The following ANXA3 variants were observed in gnomAD, a reference collection of about 807,000 sequenced individuals.
The protein encoded by ANXA3 is 35-alpha calcimedin.
In ANXA3, 46 loss-of-function variants were observed where a neutral mutation model predicts 48.8. The ratio of observed to expected loss-of-function variants is 0.94; its 90% confidence interval spans 0.74 to 1.21. ANXA3 has a LOEUF of 1.21. Ranked by LOEUF, ANXA3 falls within the 50% of genes most tolerant of loss-of-function variation. The pLI, the probability that ANXA3 is intolerant of heterozygous loss-of-function variation, is 0.00. For missense variants in ANXA3, 383 were observed against 378.6 expected (o/e 1.01, Z -0.10); for synonymous variants, 128 against 134.7 (o/e 0.95, Z 0.35).
chr4:78,584,505 T>C (rs748317316), intron 5 of ANXA3, among the ~76,000 whole-genome samples: 6 of 152,164 alleles, frequency 3.9e-5, no homozygotes, highest in Admixed American at 6.5e-5. Context: ...ATTTGTTTAT[T>C]ATCTTTTTTC....
rs762290353 is a variant in ANXA3 at position 78,610,099 on chromosome 4, G to A, written c.956G>A (p.Cys319Tyr). The A allele has an allele frequency of 1.9e-6, 3 of 1,610,482 alleles. No homozygotes were observed. The highest frequency in any genetic ancestry group is 2.5e-6 in the Non-Finnish European group (3 of 1,177,922). ...GDYEITLLKI[C>Y]GGDD is the part of the protein sequence containing the mutation. The stretch of plus-strand genomic sequence containing the variant: ...TATGAAATCACACTCTTAAAAATCT[G>A]TGGTGGAGATGACTGAACCAAGAAG... Residue 319 changes from cysteine to tyrosine, a missense_variant, in exon 13 of 13, where the codon TGT (cysteine) becomes TAT (tyrosine). Transcript: ENST00000264908.
intron 2 of ANXA3, among the ~76,000 whole-genome samples, chr4:78,555,165 A>T (rs550665831): frequency 6.6e-6 from 1 of 152,366 alleles, no homozygotes; most frequent in African/African-American, 2.4e-5. Context: ...AGATCATGCC[A>T]CTGCACTCCA....
At chr4:78,566,782 T>G (rs1307823216) in intron 2 of ANXA3, among the ~76,000 whole-genome samples, 2 of 152,170 alleles carry the variant, frequency 1.3e-5, no homozygotes, top group Non-Finnish European at 2.9e-5. Flanking sequence ...CATCTGCATG[T>G]AAGAAATCTG....
At chr4:78,563,151 T>A (rs1419022290) in intron 2 of ANXA3, among the ~76,000 whole-genome samples, 1 of 152,200 alleles carries the variant, frequency 6.6e-6, no homozygotes, top group Non-Finnish European at 1.5e-5. Flanking sequence ...GGATTATCGC[T>A]TTTTAAAAAA....
At chr4:78,581,864 C>T (rs763832159) in intron 4 of ANXA3, among the ~76,000 whole-genome samples, 8 of 152,150 alleles carry the variant, frequency 5.3e-5, no homozygotes, top group Non-Finnish European at 1.2e-4. Flanking sequence ...TCTTCCTCTT[C>T]CCTTACCCCA....
intron 7 of ANXA3, among the ~76,000 whole-genome samples, chr4:78,594,511 G>T (rs950300580): frequency 2.6e-5 from 4 of 152,222 alleles, no homozygotes; most frequent in Admixed American, 2.6e-4. Flanking sequence ...AGCAGTGAAT[G>T]AGAGTTCCTG....
At chr4:78,584,550 G>T (rs1195930448) in intron 5 of ANXA3, among the ~76,000 whole-genome samples, 3 of 152,078 alleles carry the variant, frequency 2.0e-5, no homozygotes, top group Admixed American at 1.3e-4. Flanking sequence ...CCATGGCAGG[G>T]AACCTCATTG....
chr4:78,602,501 TC>T (rs1458281347), intron 11 of ANXA3: 2 of 152,058 alleles, frequency 1.3e-5, no homozygotes. Context: ...ACCCAGTAGA[TC>T]CTGTGGCCTC....
chr4:78,558,281 A>T (rs1343207959), intron 2 of ANXA3, among the ~76,000 whole-genome samples: 11 of 152,262 alleles, frequency 7.2e-5, no homozygotes, highest in Admixed American at 7.2e-4. Context: ...TTCAGTATTG[A>T]AAGATGAAAA....
intron 1 of ANXA3, among the ~76,000 whole-genome samples, chr4:78,552,523 C>G (rs993567021): frequency 6.6e-6 from 1 of 152,006 alleles, no homozygotes; most frequent in South Asian, 2.1e-4. Flanking sequence ...TGAATCATTC[C>G]CTTGGTATTT....
At chr4:78,605,258 C>T (rs568040956) in intron 12 of ANXA3, among the ~76,000 whole-genome samples, 2 of 151,754 alleles carry the variant, frequency 1.3e-5, no homozygotes, top group East Asian at 3.9e-4. Context: ...TTGCCTTAGC[C>T]TCCAAGTAGC....
chr4:78,594,754 T>A (rs1418004499), intron 7 of ANXA3, among the ~76,000 whole-genome samples: 3 of 152,250 alleles, frequency 2.0e-5, no homozygotes, highest in African/African-American at 7.2e-5. Context: ...AAGAGTTCTT[T>A]ATGTATTTTG....
At chr4:78,564,588 G>A (rs1041561550) in intron 2 of ANXA3, among the ~76,000 whole-genome samples, 1 of 152,172 alleles carries the variant, frequency 6.6e-6, no homozygotes, top group African/African-American at 2.4e-5. Flanking sequence ...TAGAGGGGGT[G>A]GAGAGACAGA....
At chr4:78,577,205 T>C (rs1251098046) in intron 3 of ANXA3, among the ~76,000 whole-genome samples, 1 of 152,158 alleles carries the variant, frequency 6.6e-6, no homozygotes, top group African/African-American at 2.4e-5. Flanking sequence ...AGGTAAAATA[T>C]GATAAGGACA....
intron 2 of ANXA3, among the ~76,000 whole-genome samples, chr4:78,572,818 C>T (rs1416683894): frequency 6.6e-6 from 1 of 152,056 alleles, no homozygotes; most frequent in African/African-American, 2.4e-5. Flanking sequence ...AATTCAGGCC[C>T]CTCTCATCCT....
chr4:78,610,365 T>A lies in ANXA3; in HGVS notation c.*250T>A, dbSNP rs566711196. 1.0e-5 allele frequency: 3 copies of A among 297,994 alleles called. No homozygotes were observed. The highest frequency in any genetic ancestry group is 4.3e-5 in the African/African-American group (2 of 46,646). 18.5% of individuals were successfully genotyped at this position (297,994 alleles called of 1,614,324 possible). ...CTGCAACTACTATCCAACTTATATT[T>A]CTGCTTTCAAAGTTAAGAATCTTTA... On this transcript the variant is annotated 3_prime_UTR_variant, in exon 13 of 13. Coordinates refer to ENST00000264908, the MANE Select transcript of ANXA3 (RefSeq NM_005139.3).
chr4:78,590,540 G>C (rs867421640), intron 6 of ANXA3, among the ~76,000 whole-genome samples: 2 of 152,202 alleles, frequency 1.3e-5, no homozygotes, highest in Middle Eastern at 6.8e-3. Context: ...TAGCCACATG[G>C]TGTCACCTAC....
rs1187200167 is a variant in ANXA3, at chr4:78,607,924, TG to T, written c.913-2129del. 2.0e-5 allele frequency among the ~76,000 whole-genome samples: 3 copies of T among 152,080 alleles called. No individual in the cohort carries two copies. The East Asian group carries it at 5.8e-4, about 29-fold the overall frequency. On this transcript the variant is annotated intron_variant, in intron 12 of 12. Transcript: ENST00000264908. ...AAAGTAAATGCTCTAGAGACAGATATGGGAAGAAGCAAGAGGGAAAGAAGTA... is the reference window on the plus strand; with the variant it reads ...AAAGTAAATGCTCTAGAGACAGATATGGAAGAAGCAAGAGGGAAAGAAGTA...
intron 7 of ANXA3, among the ~76,000 whole-genome samples, chr4:78,593,430 G>C (rs1723346734): frequency 6.6e-6 from 1 of 151,208 alleles, no homozygotes; most frequent in African/African-American, 2.4e-5. Flanking sequence ...TCAAACTCCT[G>C]ACCTCAATCA....
Sources: gnomAD v4.1 joint callset for allele counts (sites outside exome capture counted in the v4.1 genomes callset) on GRCh38, gnomAD v4.1.1 for gene constraint, MANE v1.5 for transcripts, NCBI Gene and HGNC (gene_info 2026-07-23, HGNC 2026-07-21) for gene names.